The following GSE1 variants were observed in gnomAD, a reference collection of about 807,000 sequenced individuals.
The protein encoded by GSE1 is Gse1 coiled-coil protein.
GSE1 carries 32 observed loss-of-function variants against 112.6 expected under a neutral mutation model. The observed-to-expected ratio is 0.28, with a 90% CI of 0.21 to 0.38. GSE1 has a LOEUF of 0.38. Ranked by LOEUF, GSE1 falls within the 10% of genes least tolerant of loss-of-function variation. The probability of loss-of-function intolerance (pLI) is 1.00; values close to 1 mark genes in which losing one functional copy is unlikely to be tolerated. For missense variants in GSE1, 2,348 were observed against 1,699.2 expected (o/e 1.38, Z -6.71); for synonymous variants, 1,115 against 735.6 (o/e 1.52, Z -8.35).
At chr16:85,340,839 G>A (rs1302399644) in intron 1 of GSE1, among the ~76,000 whole-genome samples, 1 of 152,190 alleles carries the variant, frequency 6.6e-6, no homozygotes, top group Non-Finnish European at 1.5e-5. Context: ...GTGCGAGGGT[G>A]GGCTGGAGCC....
At chr16:85,336,396 C>T (rs555150308) in intron 1 of GSE1, among the ~76,000 whole-genome samples, 2 of 152,334 alleles carry the variant, frequency 1.3e-5, no homozygotes, top group Non-Finnish European at 1.5e-5. Context: ...CTTTTGAAGA[C>T]AGAGCTTCAG....
At chr16:85,608,714 C>T (rs2047825199), upstream of GSE1, among the ~76,000 whole-genome samples, 1 of 152,208 alleles carries the variant, frequency 6.6e-6, no homozygotes, top group Admixed American at 6.5e-5. Context: ...CACTGCCTGC[C>T]TTGCAGGGCC....
chr16:85,615,586 A>AG (rs780707754), intron 1 of GSE1, among the ~76,000 whole-genome samples: 12 of 152,080 alleles, frequency 7.9e-5, no homozygotes, highest in Non-Finnish European at 1.5e-4. Flanking sequence ...CCGGTGACCT[A>AG]GGGTCAGCCC....
chr16:85,633,810 C>T, intron 1 of GSE1, 104 bp from the exon 2 acceptor site: 1 of 843,746 alleles, frequency 1.2e-6, no homozygotes, highest in East Asian at 2.5e-5. Flanking sequence ...GGGGCTGCCC[C>T]TGCTCCCTGC....
chr16:85,622,194 G>C (rs1482818043), intron 1 of GSE1, among the ~76,000 whole-genome samples: 1 of 152,196 alleles, frequency 6.6e-6, no homozygotes, highest in Non-Finnish European at 1.5e-5. Context: ...GACTCCTGGC[G>C]CATGACTGTT....
At chr16:85,617,041 C>T (rs928328765) in intron 1 of GSE1, among the ~76,000 whole-genome samples, 1 of 152,220 alleles carries the variant, frequency 6.6e-6, no homozygotes, top group African/African-American at 2.4e-5. Flanking sequence ...CCAGACGAAA[C>T]CACACGCCAT....
rs531260946 is a variant in GSE1 at position 85,273,097 on chromosome 16, C to T, written c.2284-84366C>T. 5.9e-5 allele frequency among the ~76,000 whole-genome samples: 9 copies of T among 152,152 alleles called. No homozygotes were observed. The South Asian group carries it at 1.9e-3, about 32-fold the overall frequency. On this transcript the variant is annotated intron_variant, in intron 1 of 2. Coordinates refer to the GSE1 transcript ENST00000637419. The stretch of plus-strand genomic sequence containing the variant: ...AGCCCATGGGGGCCCTACTTGTTCT[C>T]AGGGAAGAATTGAAGCCGTGACTGG...
intron 1 of GSE1, among the ~76,000 whole-genome samples, chr16:85,208,630 A>G (rs1424833217): frequency 6.6e-6 from 1 of 151,460 alleles, no homozygotes; most frequent in Non-Finnish European, 1.5e-5. Flanking sequence ...TTTGCGGGCC[A>G]CTTAGCCTCA....
intron 1 of GSE1, among the ~76,000 whole-genome samples, chr16:85,187,350 T>C (rs77804006): frequency 0.021 from 3,245 of 152,302 alleles, 69 homozygotes; most frequent in Middle Eastern, 0.034. Context: ...TGGGCAGTGC[T>C]GGGGGCAGCT....
At position 85,656,516 on chromosome 16, in the gene GSE1, A is replaced by G. The variant is rs1446508502; in HGVS notation, c.1163A>G (p.Gln388Arg). ...GAGCGCGAGCGCGAGCTGGAGCGCC[A>G]GCGGGAGCAGCGGGCCCGGGAGAAG... ...EKERERELER[Q>R]REQRAREKEL... Residue 388 changes from glutamine to arginine, a missense_variant, in exon 7 of 16, where the codon CAG (glutamine) becomes CGG (arginine). Coordinates refer to ENST00000253458, the MANE Select transcript of GSE1 (RefSeq NM_014615.5). 6.5e-7 allele frequency: 1 copy of G among 1,548,658 alleles called. No homozygotes were observed. The highest frequency in any genetic ancestry group is 2.4e-5 in the East Asian group (1 of 40,914).
intron 1 of GSE1, among the ~76,000 whole-genome samples, chr16:85,191,447 A>AT (rs757054924): frequency 9.2e-5 from 14 of 152,294 alleles, no homozygotes; most frequent in Non-Finnish European, 1.6e-4. Context: ...GCCTGGCCAC[A>AT]TTAGCTTTCA....
intron 1 of GSE1, among the ~76,000 whole-genome samples, chr16:85,322,169 C>T (rs976283736): frequency 5.3e-5 from 8 of 152,234 alleles, no homozygotes; most frequent in African/African-American, 1.9e-4. Flanking sequence ...GTTCAACATT[C>T]TGCCTTGCCA....
chr16:85,554,844 A>AG (rs925154061), upstream of GSE1: 48 of 980,952 alleles, frequency 4.9e-5, no homozygotes, highest in African/African-American at 1.1e-4. Flanking sequence ...GGGCAGCCGG[A>AG]GGGGGGGCCA....
chr16:85,356,313 G>T (rs1176107483), intron 1 of GSE1, among the ~76,000 whole-genome samples: 9 of 152,248 alleles, frequency 5.9e-5, no homozygotes, highest in Non-Finnish European at 1.2e-4. Context: ...CTGCAAAAGT[G>T]CCCTGAGGCC....
intron 1 of GSE1, chr16:85,283,275 A>C (rs1467434478): frequency 6.5e-6 from 1 of 152,824 alleles, no homozygotes; most frequent in Non-Finnish European, 1.5e-5. Flanking sequence ...GCTGCGTCCT[A>C]ACCAAATGCT....
intron 2 of GSE1, among the ~76,000 whole-genome samples, chr16:85,502,910 G>A (rs1366248804): frequency 1.3e-5 from 2 of 152,164 alleles, no homozygotes; most frequent in African/African-American, 4.8e-5. Flanking sequence ...CCAGGGCTGG[G>A]TGCCCACGGA....
At chr16:85,654,188 G>A (rs956495231) in intron 3 of GSE1, 90 bp from the exon 4 acceptor site, 26 of 1,181,646 alleles carry the variant, frequency 2.2e-5, no homozygotes, top group South Asian at 1.7e-4. Flanking sequence ...TAAATCTAGC[G>A]CCTTCCCGTG....
intron 1 of GSE1, among the ~76,000 whole-genome samples, chr16:85,258,864 C>T (rs1907364151): frequency 6.6e-6 from 1 of 152,314 alleles, no homozygotes; most frequent in African/African-American, 2.4e-5. Context: ...CCCCGTTGTT[C>T]TGCCCATTGT....
chr16:85,311,459 G>T lies in GSE1; in HGVS notation c.2284-46004G>T, dbSNP rs995480214. Reference sequence around the variant, plus strand: ...ACCACAAGAGAGCTGCTGGGGACAGGACGTGGGCGGAGCCCTCGGCTGCCT... The same window carrying T: ...ACCACAAGAGAGCTGCTGGGGACAGTACGTGGGCGGAGCCCTCGGCTGCCT... On this transcript the variant is annotated intron_variant, in intron 1 of 2. Transcript: ENST00000637419. The surrounding 1 kb of genome is among the most constrained non-coding windows in gnomAD (Gnocchi z 4.2). Among the ~76,000 whole-genome samples the T allele has an allele frequency of 2.7e-5, 4 of 149,046 alleles. No homozygotes were observed. The highest frequency in any genetic ancestry group is 6.0e-5 in the Non-Finnish European group (4 of 66,948).
Sources: gnomAD v4.1 joint callset for allele counts (sites outside exome capture counted in the v4.1 genomes callset) on GRCh38, gnomAD v4.1.1 for gene constraint, Gnocchi (gnomAD v3.1) non-coding constraint, MANE v1.5 for transcripts, NCBI Gene and HGNC (gene_info 2026-07-23, HGNC 2026-07-21) for gene names.